The following CFAP221 variants were observed in gnomAD, a reference collection of about 807,000 sequenced individuals.
The protein encoded by CFAP221 is cilia and flagella associated protein 221.
In CFAP221, 97 loss-of-function variants were observed where a neutral mutation model predicts 113.1. The ratio of observed to expected loss-of-function variants is 0.86; its 90% confidence interval spans 0.73 to 1.02. The LOEUF is 1.02. Ranked by LOEUF, CFAP221 falls within the 50% of genes least tolerant of loss-of-function variation. The pLI is 0.00. For missense variants in CFAP221, 1,025 were observed against 1,013.4 expected (o/e 1.01, Z -0.16); for synonymous variants, 331 against 354.4 (o/e 0.93, Z 0.74).
chr2:119,603,250 G>A (rs907297496), intron 8 of CFAP221, among the ~76,000 whole-genome samples: 3 of 151,932 alleles, frequency 2.0e-5, no homozygotes, highest in Non-Finnish European at 4.4e-5. Flanking sequence ...TTCCGTCATC[G>A]ACGTTGAGGA....
chr2:119,631,117 T>G, intron 19 of CFAP221: 1 of 1,204,600 alleles, frequency 8.3e-7, no homozygotes, highest in South Asian at 2.8e-5. Flanking sequence ...TGAAAATAAT[T>G]TTATGATCTT....
intron 7 of CFAP221, among the ~76,000 whole-genome samples, chr2:119,596,869 T>C (rs1684017511): frequency 6.6e-6 from 1 of 152,104 alleles, no homozygotes. Context: ...ATAGACCTTG[T>C]AGAGGCCACT....
intron 19 of CFAP221, among the ~76,000 whole-genome samples, chr2:119,635,983 G>A (rs1687088467): frequency 2.0e-5 from 3 of 152,164 alleles, no homozygotes; most frequent in African/African-American, 4.8e-5. Flanking sequence ...ACATCAGTAT[G>A]TGCTCCAAAT....
chr2:119,548,329 T>G (rs13388706), intron 2 of CFAP221, among the ~76,000 whole-genome samples: 1,982 of 152,296 alleles, frequency 0.013, 47 homozygotes, highest in African/African-American at 0.046. Context: ...CCTTCATCTG[T>G]AAAGTAGAAA....
At chr2:119,648,425 G>A (rs1687939321) in intron 22 of CFAP221, 1 of 284,484 alleles carries the variant, frequency 3.5e-6, no homozygotes, top group South Asian at 3.1e-5. Context: ...GATTTTTCAT[G>A]TCTTTGGGGG....
At chr2:119,620,249 A>G (rs1685810319) in intron 14 of CFAP221, among the ~76,000 whole-genome samples, 2 of 152,214 alleles carry the variant, frequency 1.3e-5, no homozygotes. Context: ...AACACCACAA[A>G]GATACTCCTC....
At chr2:119,574,162 A>G (rs1246425277) in intron 6 of CFAP221, among the ~76,000 whole-genome samples, 2 of 152,194 alleles carry the variant, frequency 1.3e-5, no homozygotes, top group African/African-American at 4.8e-5. Context: ...ACTTTGTGCA[A>G]ATGGGTCAAT....
intron 19 of CFAP221, among the ~76,000 whole-genome samples, chr2:119,633,737 C>A (rs1686938553): frequency 6.7e-6 from 1 of 149,828 alleles, no homozygotes; most frequent in South Asian, 2.1e-4. Flanking sequence ...AAAATACCAC[C>A]AATCCTCAGA....
intron 23 of CFAP221, among the ~76,000 whole-genome samples, chr2:119,652,598 T>A (rs773151254): frequency 6.6e-6 from 1 of 152,154 alleles, no homozygotes; most frequent in Non-Finnish European, 1.5e-5. Flanking sequence ...TCTCCTTCTC[T>A]CCATCAGGGG....
intron 21 of CFAP221, among the ~76,000 whole-genome samples, chr2:119,644,654 G>T (rs1687688181): frequency 6.6e-6 from 1 of 152,068 alleles, no homozygotes; most frequent in African/African-American, 2.4e-5. Context: ...AGCAGACAAA[G>T]TCAGGGATAC....
In CFAP221 at chr2:119,559,671, C is replaced by A; in HGVS notation, c.241-18C>A. 5 of 1,501,042 alleles carry A rather than the reference C, an allele frequency of 3.3e-6. No homozygotes were observed. Among genetic ancestry groups the A allele is most frequent in the Non-Finnish European group, 4.5e-6 (5 of 1,115,146 alleles). The allele number at this position is 1,501,042 out of a possible 1,614,324, so 93.0% of individuals were successfully genotyped here. On this transcript the variant is annotated intron_variant, in intron 3 of 23. Transcript: ENST00000413369. Reference sequence around the variant, plus strand: ...TAAAGCCGTGTATTTCCTCTAAATACTTCTTTTTCTCTCCCAGCATCTGGT... The same window carrying A: ...TAAAGCCGTGTATTTCCTCTAAATAATTCTTTTTCTCTCCCAGCATCTGGT...
intron 6 of CFAP221, among the ~76,000 whole-genome samples, chr2:119,581,467 A>C (rs748171480): frequency 6.6e-6 from 1 of 152,226 alleles, no homozygotes; most frequent in Non-Finnish European, 1.5e-5. Context: ...TATACTGGAC[A>C]CAATTGAAGA....
intron 19 of CFAP221, among the ~76,000 whole-genome samples, chr2:119,635,173 T>C (rs1687038418): frequency 1.3e-5 from 2 of 152,170 alleles, no homozygotes. Context: ...GATCTCTCTG[T>C]TAGAACACCT....
intron 19 of CFAP221, among the ~76,000 whole-genome samples, chr2:119,633,842 G>A (rs1686944692): frequency 6.6e-6 from 1 of 152,222 alleles, no homozygotes; most frequent in Admixed American, 6.5e-5. Flanking sequence ...GGAAGATGTA[G>A]AGAAATTGGA....
chr2:119,601,435 C>A, intron 8 of CFAP221, 58 bp downstream of exon 8: 1 of 1,357,596 alleles, frequency 7.4e-7, no homozygotes, highest in South Asian at 1.6e-5. Context: ...AAATCCAAGT[C>A]TTCCTTTCTT....
chr2:119,611,735 A>AAGAAGAGGTGGAC lies in CFAP221; in HGVS notation c.1311+4_1311+5insACAGAAGAGGTGG. On this transcript the variant is annotated frameshift_variant, in exon 13 of 24. Transcript: ENST00000413369. LOFTEE classifies it high-confidence loss of function. The stretch of plus-strand genomic sequence containing the variant: ...AGCCATAAACGGGTTGTTCGCAATC[A>AAGAAGAGGTGGAC]AGAAGAGGTGGGTAACTTTCCTTTA... 6.2e-7 allele frequency: 1 copy of AAGAAGAGGTGGAC among 1,611,366 alleles called. No individual in the cohort carries two copies. The highest frequency in any genetic ancestry group is 8.5e-7 in the Non-Finnish European group (1 of 1,178,536).
chr2:119,643,837 G>T (rs1380005946), intron 21 of CFAP221, among the ~76,000 whole-genome samples: 2 of 151,984 alleles, frequency 1.3e-5, no homozygotes, highest in African/African-American at 4.8e-5. Context: ...GAGCCACCGT[G>T]ACTGGCCAGG....
chr2:119,560,103 A>G (rs1035738145), intron 5 of CFAP221, 77 bp downstream of exon 5: 1 of 1,148,680 alleles, frequency 8.7e-7, no homozygotes, highest in Non-Finnish European at 1.2e-6. Flanking sequence ...ATGGTGGCAG[A>G]AAGAGAGGTG....
At chr2:119,569,507 T>G (rs1681894349) in intron 6 of CFAP221, among the ~76,000 whole-genome samples, 1 of 152,196 alleles carries the variant, frequency 6.6e-6, no homozygotes, top group Non-Finnish European at 1.5e-5. Context: ...TTCTTTTCTT[T>G]TGCATTTATC....
Sources: allele counts gnomAD v4.1 joint callset (sites outside exome capture counted in the v4.1 genomes callset), GRCh38; gene constraint gnomAD v4.1.1; transcripts MANE v1.5; gene names NCBI Gene and HGNC (gene_info 2026-07-23, HGNC 2026-07-21).